The following HMCN2 variants were observed in gnomAD, a reference collection of about 807,000 sequenced individuals.
The protein encoded by HMCN2 is hemicentin 2.
A neutral mutation model predicts 377.5 loss-of-function variants in HMCN2; 325 were observed. That is an observed-to-expected ratio of 0.86 (90% CI 0.79 to 0.94). The LOEUF (loss-of-function observed/expected upper bound fraction) is 0.94. Among genes scored for constraint, HMCN2 ranks in the 40% least tolerant of loss-of-function variants. The pLI is 0.00. For missense variants in HMCN2, 4,543 were observed against 4,725.3 expected, an observed-to-expected ratio of 0.96 and a Z score of 1.13; for synonymous variants, 2,007 against 2,046.8, an observed-to-expected ratio of 0.98 and a Z score of 0.53.
Position 130,358,448 on chromosome 9 carries a change from C to G in HMCN2, c.5639C>G (p.Ala1880Gly). ...TACACTTGTGCTGCTACCAACCTGGCTGGGGAGAGCAAGAGGGAAGTGGCG... is the reference window on the plus strand; with the variant it reads ...TACACTTGTGCTGCTACCAACCTGGGTGGGGAGAGCAAGAGGGAAGTGGCG... ...GIYTCAATNL[A>G]GESKREVALK... Residue 1880 changes from alanine (A) to glycine (G), a missense_variant, in exon 36 of 98, where the codon GCT becomes GGT. By Grantham distance (60) the Ala-to-Gly change is moderately conservative. This residue lies in a region of HMCN2 where 1,032 missense variants were observed against 1,285.1 expected (regional missense o/e 0.80). Coordinates refer to ENST00000683500, the MANE Select transcript of HMCN2 (RefSeq NM_001291815.2). 5 of 1,304,332 alleles carry G rather than the reference C, an allele frequency of 3.8e-6. No homozygotes were observed. The highest frequency in any genetic ancestry group is 4.0e-6 in the Non-Finnish European group (4 of 988,960). 80.8% of individuals were successfully genotyped at this position (1,304,332 alleles called of 1,614,324 possible). A position where few individuals can be genotyped will look rare whatever the true frequency, so the allele number is the denominator to read the frequency against.
chr9:130,421,230 T>G (rs1443366344), intron 86 of HMCN2, among the ~76,000 whole-genome samples: 1 of 152,242 alleles, frequency 6.6e-6, no homozygotes, highest in Non-Finnish European at 1.5e-5. Context: ...GGAACGTTTT[T>G]TATCTTCGTT....
intron 79 of HMCN2, 44 bp downstream of exon 79, chr9:130,403,372 G>C (rs772065938): frequency 3.8e-5 from 49 of 1,286,682 alleles, no homozygotes; most frequent in Non-Finnish European, 4.9e-5. Context: ...AGAGAAGAGC[G>C]TGGGTCTGGG....
chr9:130,277,217 A>G (rs530772453), intron 1 of HMCN2, among the ~76,000 whole-genome samples: 125 of 152,354 alleles, frequency 8.2e-4, no homozygotes, highest in African/African-American at 3.0e-3. Flanking sequence ...GTTCCAGGCC[A>G]GGCTTCTGGG....
At chr9:130,314,274 T>A (rs1837425006) in intron 15 of HMCN2, among the ~76,000 whole-genome samples, 1 of 152,144 alleles carries the variant, frequency 6.6e-6, no homozygotes, top group African/African-American at 2.4e-5. Context: ...GAGGGGGCCA[T>A]GGCGAGGCGA....
chr9:130,305,273 T>C (rs1188161132), intron 11 of HMCN2, among the ~76,000 whole-genome samples: 6 of 152,178 alleles, frequency 3.9e-5, no homozygotes, highest in Non-Finnish European at 8.8e-5. Context: ...TTGTCCTTTT[T>C]CCGTGCCATC....
chr9:130,273,138 G>C (rs1181173634), intron 1 of HMCN2, among the ~76,000 whole-genome samples: 2 of 147,598 alleles, frequency 1.4e-5, no homozygotes, highest in East Asian at 4.0e-4. Context: ...TTTCTCATAG[G>C]TTCCACCCTT....
chr9:130,335,774 C>T (rs1366400033), intron 22 of HMCN2, among the ~76,000 whole-genome samples: 1 of 152,060 alleles, frequency 6.6e-6, no homozygotes, highest in Non-Finnish European at 1.5e-5. Context: ...GGACACCTGC[C>T]GTCAAAGACC....
intron 37 of HMCN2, 45 bp downstream of exon 37, chr9:130,359,459 A>G: frequency 1.8e-6 from 2 of 1,087,158 alleles, no homozygotes; most frequent in Non-Finnish European, 2.5e-6. Context: ...AGCCCAATTT[A>G]CTGTCTAATG....
chr9:130,402,188 G>A (rs769088134), intron 77 of HMCN2, among the ~76,000 whole-genome samples: 14 of 152,278 alleles, frequency 9.2e-5, no homozygotes, highest in Admixed American at 9.2e-4. Flanking sequence ...GCTGGGACAG[G>A]GGCTGTGGGT....
rs1046436708 is a variant in HMCN2 at position 130,302,927 on chromosome 9, G to A, written c.1347G>A (p.Ser449=). ...YLHQPLLVSC[S]VHSALPFRLQ... is the part of the protein sequence containing the mutation. Reference sequence around the variant, plus strand: ...ACCAGCCCCTGCTGGTCTCCTGCTCGGTGCACAGTGCCCTTCCCTTCCGGC... The same window carrying A: ...ACCAGCCCCTGCTGGTCTCCTGCTCAGTGCACAGTGCCCTTCCCTTCCGGC... The change falls in exon 9 of 98, where the codon TCG becomes TCA. Residue 449 remains serine, a synonymous_variant. Coordinates refer to ENST00000683500, the MANE Select transcript of HMCN2 (RefSeq NM_001291815.2). 8.5e-6 allele frequency: 4 copies of A among 470,822 alleles called. No homozygotes were observed. Among genetic ancestry groups the A allele is most frequent in the Non-Finnish European group, 1.8e-5 (4 of 226,910 alleles). 29.2% of individuals were successfully genotyped at this position (470,822 alleles called of 1,614,324 possible).
chr9:130,342,012 AAAATAAAT>A (rs1221408865), intron 24 of HMCN2, among the ~76,000 whole-genome samples: 6,093 of 130,676 alleles, frequency 0.047, 168 homozygotes, highest in Middle Eastern at 0.071. Flanking sequence ...CCCATCTCTT[AAAATAAAT>A]AAATAAATAA....
chr9:130,426,368 G>T (rs551426188), intron 90 of HMCN2, among the ~76,000 whole-genome samples: 2 of 152,232 alleles, frequency 1.3e-5, no homozygotes, highest in Non-Finnish European at 2.9e-5. Flanking sequence ...CACATTATTT[G>T]AGGTCCCAAA....
Position 130,306,899 on chromosome 9 carries a change from G to A in HMCN2, c.2047G>A (p.Val683Ile), listed in dbSNP as rs1340179060. The change falls in exon 13 of 98, where the codon GTT becomes ATT. Residue 683 changes from valine (V) to isoleucine (I), a missense_variant. Coordinates refer to ENST00000683500, the MANE Select transcript of HMCN2 (RefSeq NM_001291815.2). ...TTACAGCTGCCAGGCGACTAATGAG[G>A]TTGGCACTGACCAGGAGACGGTCAC... ...GNYSCQATNE[V>I]GTDQETVTLY... 2 of 470,916 alleles carry A rather than the reference G, an allele frequency of 4.2e-6. No individual in the cohort carries two copies. Among genetic ancestry groups the A allele is most frequent in the Admixed American group, 2.3e-5 (1 of 42,554 alleles). The allele number at this position is 470,916 out of a possible 1,614,324, so 29.2% of individuals were successfully genotyped here.
intron 22 of HMCN2, among the ~76,000 whole-genome samples, chr9:130,329,342 G>A (rs1838300515): frequency 6.6e-6 from 1 of 152,022 alleles, no homozygotes; most frequent in Non-Finnish European, 1.5e-5. Context: ...TGGCCAAATA[G>A]TGTCCCATCC....
At chr9:130,378,793 T>A (rs971783782) in intron 53 of HMCN2, among the ~76,000 whole-genome samples, 1 of 152,112 alleles carries the variant, frequency 6.6e-6, no homozygotes, top group African/African-American at 2.4e-5. Context: ...ACTGGTTATG[T>A]TACCTGGGGA....
chr9:130,366,779 T>C (rs932505031), intron 43 of HMCN2, among the ~76,000 whole-genome samples: 2 of 152,088 alleles, frequency 1.3e-5, no homozygotes, highest in Admixed American at 1.3e-4. Context: ...ATTGAGAGAC[T>C]GTACCAGGCC....
chr9:130,341,209 C>G lies in HMCN2; in HGVS notation c.3586C>G (p.Leu1196Val), dbSNP rs1482965779. ...CVAEGNPEPQ[L>V]SWSKDGVVLQ... The stretch of plus-strand genomic sequence containing the variant: ...GGCTGAGGGCAACCCAGAGCCCCAG[C>G]TGAGCTGGTCCAAGGATGGCGTGGT... Residue 1196 changes from leucine (L) to valine (V), a missense_variant, in exon 24 of 98, where the codon CTG becomes GTG. Leu to Val is a conservative substitution (Grantham distance 32, BLOSUM62 1). Around this residue, in one of 5 missense-constraint regions of HMCN2, gnomAD observed 547 missense variants for 189.9 expected, o/e 2.88. Transcript: ENST00000683500. 2.0e-5 allele frequency: 3 copies of G among 152,342 alleles called. No individual in the cohort carries two copies. The highest frequency in any genetic ancestry group is 4.8e-5 in the African/African-American group (2 of 41,460). 9.4% of individuals were successfully genotyped at this position (152,342 alleles called of 1,614,324 possible).
intron 22 of HMCN2, among the ~76,000 whole-genome samples, chr9:130,331,237 C>T (rs960660695): frequency 5.3e-5 from 8 of 151,920 alleles, no homozygotes; most frequent in African/African-American, 9.7e-5. Context: ...GTGTGGGGCA[C>T]GGCCATGTTG....
intron 53 of HMCN2, among the ~76,000 whole-genome samples, chr9:130,378,191 G>A (rs1456300025): frequency 6.6e-6 from 1 of 151,558 alleles, no homozygotes; most frequent in Non-Finnish European, 1.5e-5. Context: ...GGGTACCTGG[G>A]GCTCATTATA....
Sources: allele counts gnomAD v4.1 joint callset (sites outside exome capture counted in the v4.1 genomes callset), GRCh38; gene constraint gnomAD v4.1.1; regional missense constraint gnomAD v4.1.1; transcripts MANE v1.5; gene names NCBI Gene and HGNC (gene_info 2026-07-23, HGNC 2026-07-21).